PRPF6: variants seen among roughly 807,000 people sequenced by gnomAD.
PRPF6 encodes the protein pre-mRNA processing factor 6, also known as pre-mRNA-processing factor 6.
Under a neutral mutation model 118.3 loss-of-function variants are expected in PRPF6, and 42 were observed. That is an observed-to-expected ratio of 0.35 (90% CI 0.28 to 0.46). PRPF6 has a LOEUF of 0.46. Ranked by LOEUF, PRPF6 falls within the 20% of genes least tolerant of loss-of-function variation. The pLI is 1.00. For missense variants in PRPF6, 662 were observed against 1,255.7 expected, an observed-to-expected ratio of 0.53 and a Z score of 7.15; for synonymous variants, 481 against 485.1, an observed-to-expected ratio of 0.99 and a Z score of 0.11.
intron 2 of PRPF6, among the ~76,000 whole-genome samples, chr20:63,983,942 T>G (rs1362868586): frequency 6.6e-6 from 1 of 152,212 alleles, no homozygotes; most frequent in Non-Finnish European, 1.5e-5. Context: ...CGTGAGCCAC[T>G]GCGCCTGGCT....
At chr20:63,987,191 G>GC (rs1461959188) in intron 3 of PRPF6, among the ~76,000 whole-genome samples, 2 of 142,048 alleles carry the variant, frequency 1.4e-5, no homozygotes, top group South Asian at 2.2e-4. Flanking sequence ...AAAAAAAAAG[G>GC]GGGGGGGAGC....
At chr20:63,983,624 A>C (rs890235809) in intron 2 of PRPF6, among the ~76,000 whole-genome samples, 1 of 147,552 alleles carries the variant, frequency 6.8e-6, no homozygotes, top group African/African-American at 2.5e-5. Context: ...TGTTAGGACC[A>C]CTGCCTTGGC....
At chr20:64,009,693 G>T (rs1283618461) in intron 9 of PRPF6, among the ~76,000 whole-genome samples, 1 of 152,200 alleles carries the variant, frequency 6.6e-6, no homozygotes, top group East Asian at 1.9e-4. Context: ...TTGTACTCCA[G>T]CCTGGGCAAT....
At chr20:64,022,930 A>G in intron 13 of PRPF6, 52 bp downstream of exon 13, 1 of 1,612,912 alleles carries the variant, frequency 6.2e-7, no homozygotes, top group Non-Finnish European at 8.5e-7. Context: ...CTCCAGCTCC[A>G]TTTGTGTAGC....
chr20:64,028,632 T>TC lies in PRPF6; in HGVS notation c.2431+65dup, dbSNP rs2059302210. On this transcript the variant is annotated intron_variant, in intron 18 of 20. Coordinates refer to ENST00000266079, the MANE Select transcript of PRPF6 (RefSeq NM_012469.4). This position sits in a 1 kb window ranked among gnomAD's most constrained non-coding sequence, Gnocchi z 6.5. ...GACTCCGGTAAGGGGGTGCCTTGAC[T>TC]CCGGTAAGGGGGTGCTTCCTGGCTT... is the stretch of plus-strand genomic sequence containing the variant. 1 of 1,573,392 alleles carries TC rather than the reference T, an allele frequency of 6.4e-7. No individual in the cohort carries two copies. Among genetic ancestry groups the TC allele is most frequent in the African/African-American group, 1.3e-5 (1 of 74,240 alleles).
intron 11 of PRPF6, among the ~76,000 whole-genome samples, chr20:64,014,798 G>C (rs575508735): frequency 1.3e-5 from 2 of 152,326 alleles, no homozygotes; most frequent in East Asian, 3.9e-4. Flanking sequence ...GTCATCGAAC[G>C]TAAAGTGTTG....
intron 12 of PRPF6, among the ~76,000 whole-genome samples, chr20:64,020,829 C>T (rs1028748867): frequency 1.3e-5 from 2 of 151,276 alleles, no homozygotes; most frequent in Non-Finnish European, 2.9e-5. Context: ...CTCTGTCGCC[C>T]AGGCTGGAGC....
At chr20:64,009,697 G>A (rs544839444) in intron 9 of PRPF6, among the ~76,000 whole-genome samples, 34 of 152,292 alleles carry the variant, frequency 2.2e-4, no homozygotes, top group African/African-American at 7.9e-4. Context: ...ACTCCAGCCT[G>A]GGCAATAGAA....
intron 3 of PRPF6, among the ~76,000 whole-genome samples, chr20:63,992,110 G>A (rs1372817272): frequency 2.0e-5 from 3 of 152,038 alleles, no homozygotes; most frequent in African/African-American, 4.8e-5. Context: ...GTTTTGTTTT[G>A]TTTTGTTTTG....
chr20:63,990,318 A>G (rs540221234), intron 3 of PRPF6, among the ~76,000 whole-genome samples: 3 of 152,222 alleles, frequency 2.0e-5, no homozygotes, highest in African/African-American at 7.2e-5. Context: ...ATGGGGACAC[A>G]GATGTAAACC....
At chr20:63,999,875 G>T in intron 8 of PRPF6, 116 bp downstream of exon 8, 1 of 1,314,738 alleles carries the variant, frequency 7.6e-7, no homozygotes, top group South Asian at 1.3e-5. Context: ...CAGACAATAG[G>T]GCAGGCTGGG....
At chr20:64,004,762 C>T (rs185578736) in intron 9 of PRPF6, among the ~76,000 whole-genome samples, 5 of 152,308 alleles carry the variant, frequency 3.3e-5, no homozygotes, top group African/African-American at 4.8e-5. Flanking sequence ...GGGTGTCCCA[C>T]GTGCAGAGTC....
rs1000394121 is a variant in PRPF6 at position 64,016,669 on chromosome 20, A to T, written c.1525-54A>T. The T allele has an allele frequency of 1.2e-5, 19 of 1,609,276 alleles. No homozygotes were observed. The Admixed American group carries it at 2.9e-4, about 24-fold the overall frequency. ...CAGGAACTCCGTACTCCCCGTTGGG[A>T]ATCTGCAGCTCTGATTTCCAAAATC... On this transcript the variant is annotated intron_variant, in intron 11 of 20. Transcript: ENST00000266079.
intron 9 of PRPF6, among the ~76,000 whole-genome samples, chr20:64,009,047 G>T (rs1188216525): frequency 1.3e-5 from 2 of 151,882 alleles, no homozygotes; most frequent in Admixed American, 1.3e-4. Flanking sequence ...CACTTCGGGA[G>T]GCCGAGGCGG....
chr20:63,985,975 C>T (rs1051767534), intron 3 of PRPF6, among the ~76,000 whole-genome samples: 2 of 152,092 alleles, frequency 1.3e-5, no homozygotes, highest in Non-Finnish European at 2.9e-5. Context: ...GGTCAGTATC[C>T]CTGATGAACA....
At chr20:64,030,517 C>T (rs373301050) in intron 19 of PRPF6, among the ~76,000 whole-genome samples, 16 of 152,280 alleles carry the variant, frequency 1.1e-4, no homozygotes, top group African/African-American at 3.8e-4. Context: ...GGCACCTCCT[C>T]TCCCCTGCCC....
chr20:64,021,235 CTGTGT>C (rs2059261014), intron 12 of PRPF6, among the ~76,000 whole-genome samples: 8 of 151,514 alleles, frequency 5.3e-5, no homozygotes, highest in African/African-American at 1.9e-4. Flanking sequence ...AGCCCCATGT[CTGTGT>C]GTGCGTGTGT....
intron 6 of PRPF6, among the ~76,000 whole-genome samples, chr20:63,998,003 C>A (rs949696210): frequency 1.3e-5 from 2 of 152,228 alleles, no homozygotes; most frequent in African/African-American, 4.8e-5. Context: ...CCACTTTCAC[C>A]TTTTGACTAT....
intron 9 of PRPF6, 140 bp from the exon 10 acceptor site, chr20:64,010,060 C>T: frequency 2.6e-6 from 2 of 783,152 alleles, no homozygotes; most frequent in Non-Finnish European, 4.6e-6. Context: ...CTGAAGGAAG[C>T]CACATAAAGG....
Sources: gnomAD v4.1 joint callset for allele counts (sites outside exome capture counted in the v4.1 genomes callset) on GRCh38, gnomAD v4.1.1 for gene constraint, Gnocchi (gnomAD v3.1) non-coding constraint, MANE v1.5 for transcripts, NCBI Gene and HGNC (gene_info 2026-07-23, HGNC 2026-07-21) for gene names.